KCNMA1: variants seen among roughly 807,000 people sequenced by gnomAD.
KCNMA1 encodes the protein Calcium-activated potassium channel subunit alpha-1.
In KCNMA1, 29 loss-of-function variants were observed where a neutral mutation model predicts 140.0. The observed-to-expected ratio is 0.21, with a 90% CI of 0.15 to 0.28. KCNMA1 has a LOEUF of 0.28. Ranked by LOEUF, KCNMA1 falls within the 10% of genes least tolerant of loss-of-function variation. The pLI is 1.00. For synonymous variants in KCNMA1, 612 were observed against 611.9 expected, an observed-to-expected ratio of 1.00 and a Z score of 0.00; for missense variants, 880 against 1,602.2, an observed-to-expected ratio of 0.55 and a Z score of 7.70.
At chr10:77,061,958 G>A (rs757268294) in intron 14 of KCNMA1, among the ~76,000 whole-genome samples, 1 of 152,124 alleles carries the variant, frequency 6.6e-6, no homozygotes, top group Non-Finnish European at 1.5e-5. Flanking sequence ...AGACAAAACT[G>A]TAATGACAGA....
chr10:77,078,296 G>C (rs766735266), intron 13 of KCNMA1, among the ~76,000 whole-genome samples: 1 of 152,244 alleles, frequency 6.6e-6, no homozygotes, highest in African/African-American at 2.4e-5. Flanking sequence ...GGACATAACT[G>C]GTACTGCATC....
intron 1 of KCNMA1, among the ~76,000 whole-genome samples, chr10:77,469,298 T>G (rs1022676574): frequency 1.3e-5 from 2 of 152,020 alleles, no homozygotes; most frequent in Admixed American, 1.3e-4. Context: ...CTCCTTCCAG[T>G]TTATTGGAGA....
intron 16 of KCNMA1, 78 bp from the exon 17 acceptor site, chr10:77,019,177 A>G: frequency 1.2e-6 from 1 of 833,656 alleles, no homozygotes; most frequent in Non-Finnish European, 2.0e-6. Context: ...AGGCTACACC[A>G]TACTGTTGTG....
intron 2 of KCNMA1, among the ~76,000 whole-genome samples, chr10:77,372,212 C>T (rs768531111): frequency 2.0e-5 from 3 of 152,168 alleles, no homozygotes; most frequent in Non-Finnish European, 4.4e-5. Context: ...GTTCCCCTCT[C>T]AAATCCACCC....
chr10:76,932,678 T>G (rs1270001653), intron 23 of KCNMA1, among the ~76,000 whole-genome samples: 1 of 152,308 alleles, frequency 6.6e-6, no homozygotes, highest in African/African-American at 2.4e-5. Flanking sequence ...TTGCTCATGA[T>G]GGACAGAACC....
chr10:77,566,404 A>G (rs907488428), intron 1 of KCNMA1, among the ~76,000 whole-genome samples: 2 of 152,172 alleles, frequency 1.3e-5, no homozygotes, highest in African/African-American at 4.8e-5. Context: ...GAAGTTTCCA[A>G]TTACTGCTGG....
At chr10:77,094,483 G>A (rs1450248805) in intron 9 of KCNMA1, among the ~76,000 whole-genome samples, 3 of 152,160 alleles carry the variant, frequency 2.0e-5, no homozygotes, top group East Asian at 3.9e-4. Flanking sequence ...GAGAGGTTTA[G>A]TCTGGGAACT....
intron 1 of KCNMA1, among the ~76,000 whole-genome samples, chr10:77,484,321 C>G (rs2098437295): frequency 6.6e-6 from 1 of 152,198 alleles, no homozygotes. Context: ...CCCAAGGTCA[C>G]AGAGCTACTG....
At chr10:77,117,480 C>T (rs918413582) in intron 6 of KCNMA1, among the ~76,000 whole-genome samples, 7 of 121,454 alleles carry the variant, frequency 5.8e-5, no homozygotes, top group Admixed American at 1.1e-4. Context: ...ACCCTGGAGA[C>T]GGAGGTTGCA....
At chr10:76,998,289 G>A (rs1184335371) in intron 19 of KCNMA1, among the ~76,000 whole-genome samples, 10 of 152,034 alleles carry the variant, frequency 6.6e-5, no homozygotes, top group Admixed American at 6.6e-4. Context: ...GGGACTTTGT[G>A]TTTCAATTTA....
chr10:76,894,905 C>T (rs2041832682), intron 25 of KCNMA1, among the ~76,000 whole-genome samples: 1 of 152,044 alleles, frequency 6.6e-6, no homozygotes, highest in Non-Finnish European at 1.5e-5. Context: ...GGGAGGAGAC[C>T]ACCCCTCACA....
chr10:76,907,894 T>C (rs2048436971), intron 25 of KCNMA1, among the ~76,000 whole-genome samples: 1 of 152,144 alleles, frequency 6.6e-6, no homozygotes, highest in Non-Finnish European at 1.5e-5. Flanking sequence ...TTCTTAATAA[T>C]TCATGAAAAG....
At chr10:77,519,557 C>A (rs816846) in intron 1 of KCNMA1, among the ~76,000 whole-genome samples, 1 of 151,910 alleles carries the variant, frequency 6.6e-6, no homozygotes, top group East Asian at 1.9e-4. Context: ...CCTGGATAAT[C>A]GAGGGAAGAC....
chr10:76,915,319 C>T (rs1012247583), intron 23 of KCNMA1, among the ~76,000 whole-genome samples: 1 of 152,096 alleles, frequency 6.6e-6, no homozygotes, highest in Non-Finnish European at 1.5e-5. Context: ...ATCTTGGCTC[C>T]CATCTCTTTC....
At chr10:77,069,481 T>C (rs2096097537) in intron 14 of KCNMA1, among the ~76,000 whole-genome samples, 1 of 152,122 alleles carries the variant, frequency 6.6e-6, no homozygotes, top group Non-Finnish European at 1.5e-5. Flanking sequence ...CTGCAGAAGC[T>C]GTAGAGGGCA....
At chr10:77,028,689 G>A (rs551501714) in intron 15 of KCNMA1, among the ~76,000 whole-genome samples, 1 of 152,232 alleles carries the variant, frequency 6.6e-6, no homozygotes, top group African/African-American at 2.4e-5. Context: ...TACACTGGCT[G>A]TGGTCGCTCC....
rs1597431718 is a variant in KCNMA1 at position 77,157,181 on chromosome 10, C to A, written c.808+26240G>T. On this transcript the variant is annotated intron_variant, in intron 5 of 27. Coordinates refer to ENST00000286628, the MANE Select transcript of KCNMA1 (RefSeq NM_001161352.2). ...TGTAGGCCAGGCACAGTGGCTCATG[C>A]CTATAACCCCAGCACTATGGGAGGC... Among the ~76,000 whole-genome samples, 5 of 152,252 alleles carry A rather than the reference C, an allele frequency of 3.3e-5. 2 individuals are homozygous for A. The highest frequency in any genetic ancestry group is 3.3e-4 in the Admixed American group (5 of 15,280).
At chr10:76,961,572 C>A (rs1907743) in intron 20 of KCNMA1, among the ~76,000 whole-genome samples, 37,007 of 152,082 alleles carry the variant, frequency 0.24, 4,705 homozygotes, top group East Asian at 0.47. Context: ...GGGTAAAATG[C>A]TATCCAACAG....
chr10:77,414,026 C>T (rs1028406006), intron 1 of KCNMA1, among the ~76,000 whole-genome samples: 1 of 152,152 alleles, frequency 6.6e-6, no homozygotes, highest in African/African-American at 2.4e-5. Flanking sequence ...TAGAAGCACC[C>T]CTGCGCTGGG....
Sources: allele counts gnomAD v4.1 joint callset (sites outside exome capture counted in the v4.1 genomes callset), GRCh38; gene constraint gnomAD v4.1.1; transcripts MANE v1.5; gene names NCBI Gene and HGNC (gene_info 2026-07-23, HGNC 2026-07-21).